CHPT1: variants seen among roughly 807,000 people sequenced by gnomAD.
The protein encoded by CHPT1 is cholinephosphotransferase 1.
CHPT1 carries 36 observed loss-of-function variants against 47.6 expected under a neutral mutation model. The ratio of observed to expected loss-of-function variants is 0.76; its 90% confidence interval spans 0.58 to 1.00. The LOEUF (loss-of-function observed/expected upper bound fraction) is 1.00. Ranked by LOEUF, CHPT1 falls within the 50% of genes least tolerant of loss-of-function variation. CHPT1 has a pLI of 0.00. For missense variants in CHPT1, 458 were observed against 498.1 expected, an observed-to-expected ratio of 0.92 and a Z score of 0.77; for synonymous variants, 194 against 186.3, an observed-to-expected ratio of 1.04 and a Z score of -0.33.
rs1951943972 is a variant in CHPT1, at chr12:101,726,380, T to G, written c.1152T>G (p.Thr384=). ...SRHLHLNIFK[T]ACHQAPEQVQ... is the part of the protein sequence containing the mutation. ...ACCTTCATCTAAATATATTCAAGAC[T>G]GCATGTCATCAAGCACCTGAACAGG... Residue 384 remains threonine (T), a synonymous_variant, in exon 8 of 9, where the codon ACT becomes ACG. Coordinates refer to ENST00000229266, the MANE Select transcript of CHPT1 (RefSeq NM_020244.3). The G allele has an allele frequency of 6.2e-7, 1 of 1,612,906 alleles. No individual in the cohort carries two copies. Among genetic ancestry groups the G allele is most frequent in the Non-Finnish European group, 8.5e-7 (1 of 1,179,476 alleles).
intron 1 of CHPT1, among the ~76,000 whole-genome samples, chr12:101,707,249 A>G (rs1951646638): frequency 6.6e-6 from 1 of 152,234 alleles, no homozygotes; most frequent in African/African-American, 2.4e-5. Context: ...GGAAAAAGCC[A>G]TGAGACAGTA....
intron 1 of CHPT1, among the ~76,000 whole-genome samples, chr12:101,713,072 T>C (rs1321684570): frequency 6.7e-6 from 1 of 148,356 alleles, no homozygotes; most frequent in Non-Finnish European, 1.5e-5. Context: ...TGAGGCTGGA[T>C]TTTAAGTTTT....
chr12:101,721,403 AATAAG>A (rs1408873118), intron 5 of CHPT1, among the ~76,000 whole-genome samples: 5 of 152,334 alleles, frequency 3.3e-5, no homozygotes, highest in African/African-American at 1.2e-4. Flanking sequence ...AGCAAGGTCT[AATAAG>A]ATATTAAACA....
chr12:101,703,711 C>G (rs75983835), intron 1 of CHPT1, among the ~76,000 whole-genome samples: 5,473 of 152,278 alleles, frequency 0.036, 332 homozygotes, highest in African/African-American at 0.13. Context: ...GAAGCACCCT[C>G]CCCATCACAG....
Position 101,697,897 on chromosome 12 carries a change from C to T in CHPT1, c.36C>T (p.Arg12=), listed in dbSNP as rs1168575264. 7.1e-6 allele frequency: 9 copies of T among 1,269,700 alleles called. No homozygotes were observed. Among genetic ancestry groups the T allele is most frequent in the Non-Finnish European group, 8.9e-6 (9 of 1,009,562 alleles). The allele number at this position is 1,269,700 out of a possible 1,614,324, so 78.7% of individuals were successfully genotyped here. Residue 12 remains arginine, a synonymous_variant, in exon 1 of 9, where the codon CGC becomes CGT. Transcript: ENST00000229266. The part of the protein sequence containing the change: ...AAGAGAGSAP[R]WLRALSEPLS... ...GCGCCGGGGCCGGGTCCGCGCCGCG[C>T]TGGCTGAGGGCGCTGAGCGAGCCGC... is the stretch of plus-strand genomic sequence containing the variant.
intron 3 of CHPT1, among the ~76,000 whole-genome samples, chr12:101,716,065 G>C (rs769468128): frequency 1.3e-5 from 2 of 152,162 alleles, no homozygotes; most frequent in Non-Finnish European, 2.9e-5. Flanking sequence ...AGCAACAAAC[G>C]TGAAGAGAGG....
chr12:101,718,304 C>T (rs1951794029), intron 4 of CHPT1, among the ~76,000 whole-genome samples: 1 of 152,114 alleles, frequency 6.6e-6, no homozygotes, highest in South Asian at 2.1e-4. Context: ...AATGTAGGTT[C>T]ACCAGTTGTA....
intron 1 of CHPT1, among the ~76,000 whole-genome samples, chr12:101,708,318 T>C (rs1009040669): frequency 6.6e-6 from 1 of 152,146 alleles, no homozygotes; most frequent in Non-Finnish European, 1.5e-5. Flanking sequence ...TGAAAAACAA[T>C]TTAAATTTTA....
rs1951944952 is a variant in CHPT1, at chr12:101,726,408, C to T, written c.1176+4C>T. 1 of 1,611,444 alleles carries T rather than the reference C, an allele frequency of 6.2e-7. No individual in the cohort carries two copies. Among genetic ancestry groups the T allele is most frequent in the South Asian group, 1.1e-5 (1 of 90,948 alleles). ...ATGTCATCAAGCACCTGAACAGGTT[C>T]ACAAGCATATTGACTGACTAATAGC... is the stretch of plus-strand genomic sequence containing the variant. On this transcript the variant is annotated splice_donor_region_variant and intron_variant, in intron 8 of 8. Coordinates refer to ENST00000229266, the MANE Select transcript of CHPT1 (RefSeq NM_020244.3).
In CHPT1 at chr12:101,702,823, G is replaced by T. The variant is rs1951572968; in HGVS notation, c.273+4689G>T. 2.0e-5 allele frequency among the ~76,000 whole-genome samples: 3 copies of T among 152,136 alleles called. No individual in the cohort carries two copies. In the South Asian group the frequency reaches 6.2e-4, roughly 32 times the overall value. ...AAATGTGAACTCCAGATTTCCAGGA[G>T]ATAGAAGCAGGGAGGGACTTAGGGT... On this transcript the variant is annotated intron_variant, in intron 1 of 8. Transcript: ENST00000229266.
chr12:101,706,404 A>T (rs1283648544), intron 1 of CHPT1, among the ~76,000 whole-genome samples: 2 of 152,112 alleles, frequency 1.3e-5, no homozygotes, highest in African/African-American at 2.4e-5. Flanking sequence ...CCATGAGAGG[A>T]TCACATTCTA....
intron 2 of CHPT1, 127 bp downstream of exon 2, chr12:101,714,364 CAA>C: frequency 8.4e-7 from 1 of 1,187,314 alleles, no homozygotes; most frequent in Non-Finnish European, 1.2e-6. Flanking sequence ...AAAAGTATGT[CAA>C]GAATTCATTT....
chr12:101,713,038 T>A (rs1035509681), intron 1 of CHPT1, among the ~76,000 whole-genome samples: 2 of 148,664 alleles, frequency 1.3e-5, no homozygotes, highest in African/African-American at 4.9e-5. Context: ...GTAGTTAAGT[T>A]GCCAGGAATT....
chr12:101,717,956 C>CTT (rs915053074), intron 4 of CHPT1, among the ~76,000 whole-genome samples: 2 of 152,152 alleles, frequency 1.3e-5, no homozygotes, highest in Non-Finnish European at 2.9e-5. Context: ...ATGCGAGGAA[C>CTT]TTATGGAGTT....
chr12:101,725,426 T>C (rs1468976528), intron 7 of CHPT1, among the ~76,000 whole-genome samples: 1 of 152,120 alleles, frequency 6.6e-6, no homozygotes, highest in Non-Finnish European at 1.5e-5. Context: ...AATCAAAATA[T>C]CTAAAAACTC....
chr12:101,709,982 TAAA>T (rs1951684650), intron 1 of CHPT1, among the ~76,000 whole-genome samples: 1 of 149,166 alleles, frequency 6.7e-6, no homozygotes, highest in African/African-American at 2.4e-5. Flanking sequence ...TCATCTTTAA[TAAA>T]AAGAATATGA....
chr12:101,717,593 A>G (rs528320606), intron 4 of CHPT1, among the ~76,000 whole-genome samples: 11 of 152,308 alleles, frequency 7.2e-5, no homozygotes, highest in South Asian at 6.2e-4. Context: ...TGCTTTATAA[A>G]TAAGTCTTAG....
intron 1 of CHPT1, among the ~76,000 whole-genome samples, chr12:101,699,391 C>CTTT (rs5800481): frequency 2.2e-5 from 3 of 136,970 alleles, no homozygotes; most frequent in Middle Eastern, 4.0e-3. Context: ...TATTTCTTTT[C>CTTT]TTTTTTTTTT....
intron 8 of CHPT1, chr12:101,727,526 C>A (rs1951987866): frequency 6.7e-6 from 1 of 150,272 alleles, no homozygotes. Flanking sequence ...AATTTGTGTA[C>A]TACATCTGTT....
Sources: allele counts gnomAD v4.1 joint callset (sites outside exome capture counted in the v4.1 genomes callset), GRCh38; gene constraint gnomAD v4.1.1; transcripts MANE v1.5; gene names NCBI Gene and HGNC (gene_info 2026-07-23, HGNC 2026-07-21).